SESTD1: variants seen among roughly 807,000 people sequenced by gnomAD.
SESTD1 encodes the protein SEC14 and spectrin domain containing 1.
A neutral mutation model predicts 101.7 loss-of-function variants in SESTD1; 43 were observed. That is an observed-to-expected ratio of 0.42 (90% CI 0.33 to 0.55). The LOEUF (loss-of-function observed/expected upper bound fraction) is 0.55. Among genes scored for constraint, SESTD1 ranks in the 20% least tolerant of loss-of-function variants. SESTD1 has a pLI of 0.07. For synonymous variants in SESTD1, 283 were observed against 286.8 expected, an observed-to-expected ratio of 0.99 and a Z score of 0.13; for missense variants, 647 against 815.1, an observed-to-expected ratio of 0.79 and a Z score of 2.51.
intron 7 of SESTD1, among the ~76,000 whole-genome samples, chr2:179,147,567 G>A (rs372299582): frequency 6.6e-6 from 1 of 152,060 alleles, no homozygotes; most frequent in Non-Finnish European, 1.5e-5. Context: ...TCACCATGTT[G>A]GCCAGGATGG....
intron 1 of SESTD1, among the ~76,000 whole-genome samples, chr2:179,229,138 G>A (rs1433382896): frequency 6.6e-6 from 1 of 152,210 alleles, no homozygotes; most frequent in Admixed American, 6.5e-5. Flanking sequence ...AACTTGACTG[G>A]GCCATGAGAT....
chr2:179,113,519 T>TGA (rs1239786692), intron 16 of SESTD1, among the ~76,000 whole-genome samples: 1 of 152,160 alleles, frequency 6.6e-6, no homozygotes, highest in Non-Finnish European at 1.5e-5. Flanking sequence ...CTGCAAAATT[T>TGA]GAGAGAGAGA....
chr2:179,189,774 G>A (rs778377072), intron 2 of SESTD1, among the ~76,000 whole-genome samples: 6 of 134,924 alleles, frequency 4.4e-5, no homozygotes, highest in Admixed American at 2.3e-4. Context: ...TCCAAACACC[G>A]ATGACACTCA....
intron 1 of SESTD1, among the ~76,000 whole-genome samples, chr2:179,242,113 G>A (rs936286100): frequency 3.9e-5 from 6 of 152,114 alleles, no homozygotes; most frequent in Admixed American, 1.3e-4. Flanking sequence ...AATGGGCTCA[G>A]TAGAGTCTCA....
intron 1 of SESTD1, among the ~76,000 whole-genome samples, chr2:179,255,513 T>C (rs1278127729): frequency 6.6e-6 from 1 of 152,206 alleles, no homozygotes; most frequent in Non-Finnish European, 1.5e-5. Flanking sequence ...AGACACTAGT[T>C]CTAGTCCATT....
intron 9 of SESTD1, among the ~76,000 whole-genome samples, chr2:179,133,780 CT>C (rs2045069789): frequency 6.6e-6 from 1 of 152,066 alleles, no homozygotes. Flanking sequence ...GTTTATGGAT[CT>C]TTTTATAATT....
chr2:179,209,422 T>C lies in SESTD1; in HGVS notation c.-25-17556A>G, dbSNP rs577673054. Among the ~76,000 whole-genome samples, 244 of 134,872 alleles carry C rather than the reference T, an allele frequency of 1.8e-3. 62 individuals are homozygous for C. The highest frequency in any genetic ancestry group is 6.9e-3 in the African/African-American group (236 of 34,208). 88.5% of individuals were successfully genotyped at this position (134,872 alleles called of 152,430 possible). ...CTACCCAACAAATGAAGAATATAGA[T>C]TCTTTTCATCAGCATATGGAACATT... On this transcript the variant is annotated intron_variant, in intron 1 of 17. Transcript: ENST00000428443.
At chr2:179,244,470 AC>A (rs1274386389) in intron 1 of SESTD1, among the ~76,000 whole-genome samples, 1 of 130,926 alleles carries the variant, frequency 7.6e-6, no homozygotes, top group Admixed American at 6.9e-5. Context: ...AAAAAAACAA[AC>A]CAACAAAAAA....
chr2:179,203,283 C>T (rs756408124), intron 1 of SESTD1, among the ~76,000 whole-genome samples: 4 of 134,822 alleles, frequency 3.0e-5, no homozygotes, highest in Non-Finnish European at 4.8e-5. Flanking sequence ...TTTATACTTT[C>T]GCTAATAAAT....
At chr2:179,204,514 T>C (rs1334419250) in intron 1 of SESTD1, among the ~76,000 whole-genome samples, 2 of 134,850 alleles carry the variant, frequency 1.5e-5, no homozygotes, top group Non-Finnish European at 3.2e-5. Context: ...GACAAACAAC[T>C]TTTTTTGTCC....
chr2:179,238,226 G>A (rs1456880086), intron 1 of SESTD1, among the ~76,000 whole-genome samples: 2 of 152,128 alleles, frequency 1.3e-5, no homozygotes, highest in Non-Finnish European at 2.9e-5. Flanking sequence ...GAAGAGGATA[G>A]GTTGGCCTTG....
At position 179,135,011 on chromosome 2, in the gene SESTD1, C is replaced by G. The variant is rs541572280; in HGVS notation, c.850-2585G>C. 1.2e-4 allele frequency among the ~76,000 whole-genome samples: 19 copies of G among 152,266 alleles called. No homozygotes were observed. In the East Asian group the frequency reaches 2.7e-3, roughly 22 times the overall value. On this transcript the variant is annotated intron_variant, in intron 9 of 17. Transcript: ENST00000428443. ...CCAGGCTAGAGTGCAGTGGCATGAT[C>G]ATGGCTCACTGCAACCTCTGCCTCC...
At chr2:179,143,293 T>C (rs1232754906) in intron 9 of SESTD1, among the ~76,000 whole-genome samples, 1 of 152,166 alleles carries the variant, frequency 6.6e-6, no homozygotes, top group Admixed American at 6.5e-5. Flanking sequence ...CAAGTATCAA[T>C]AATGAAATGT....
intron 1 of SESTD1, among the ~76,000 whole-genome samples, chr2:179,198,108 G>A (rs1205387024): frequency 2.0e-5 from 3 of 152,068 alleles, no homozygotes; most frequent in African/African-American, 4.8e-5. Context: ...TAAAAGGATG[G>A]AGGAAGATCT....
chr2:179,120,219 C>T (rs147032385), intron 13 of SESTD1, among the ~76,000 whole-genome samples: 1,759 of 149,272 alleles, frequency 0.012, 29 homozygotes, highest in African/African-American at 0.04. Flanking sequence ...CAGAGCGAGA[C>T]TCTGTTTCAA....
intron 1 of SESTD1, among the ~76,000 whole-genome samples, chr2:179,257,070 T>C (rs867942663): frequency 1.3e-5 from 2 of 152,174 alleles, no homozygotes; most frequent in Middle Eastern, 3.4e-3. Context: ...AAATCTTTCA[T>C]GAGAAGAAGA....
chr2:179,136,510 A>C (rs977234620), intron 9 of SESTD1, among the ~76,000 whole-genome samples: 2 of 152,208 alleles, frequency 1.3e-5, no homozygotes, highest in Non-Finnish European at 2.9e-5. Context: ...TTTTTTGGGA[A>C]TCAATTGCTT....
chr2:179,219,532 A>G (rs1421382040), intron 1 of SESTD1, among the ~76,000 whole-genome samples: 1 of 152,250 alleles, frequency 6.6e-6, no homozygotes, highest in African/African-American at 2.4e-5. Context: ...ACTATCCTTA[A>G]GTTGAGATTA....
chr2:179,123,077 C>G (rs978789086), intron 12 of SESTD1, among the ~76,000 whole-genome samples: 8 of 152,106 alleles, frequency 5.3e-5, no homozygotes, highest in African/African-American at 1.9e-4. Context: ...TTTTGTCCCC[C>G]CTTGATACGA....
Sources: gnomAD v4.1 joint callset for allele counts (sites outside exome capture counted in the v4.1 genomes callset) on GRCh38, gnomAD v4.1.1 for gene constraint, MANE v1.5 for transcripts, NCBI Gene and HGNC (gene_info 2026-07-23, HGNC 2026-07-21) for gene names.